The following FAM184A variants were observed in gnomAD, a reference collection of about 807,000 sequenced individuals.
FAM184A encodes protein FAM184A.
FAM184A carries 99 observed loss-of-function variants against 143.8 expected under a neutral mutation model. The ratio of observed to expected loss-of-function variants is 0.69; its 90% confidence interval spans 0.58 to 0.81. The LOEUF is 0.81. Among genes scored for constraint, FAM184A ranks in the 40% least tolerant of loss-of-function variants. The pLI, the probability that FAM184A is intolerant of heterozygous loss-of-function variation, is 0.00. For missense variants in FAM184A, 1,217 were observed against 1,310.5 expected (o/e 0.93, Z 1.10); for synonymous variants, 427 against 446.4 (o/e 0.96, Z 0.55).
chr6:119,100,772 T>G (rs1788617529), intron 1 of FAM184A, among the ~76,000 whole-genome samples: 1 of 151,772 alleles, frequency 6.6e-6, no homozygotes, highest in South Asian at 2.1e-4. Context: ...GCCTGGCCAA[T>G]ATGTCGAAAC....
At chr6:119,075,746 C>A (rs1398467988) in intron 1 of FAM184A, among the ~76,000 whole-genome samples, 1 of 152,192 alleles carries the variant, frequency 6.6e-6, no homozygotes, top group African/African-American at 2.4e-5. Flanking sequence ...TTCTATATGG[C>A]AGGCAGTAGT....
chr6:119,091,781 C>T (rs1277450502), intron 1 of FAM184A, among the ~76,000 whole-genome samples: 1 of 152,158 alleles, frequency 6.6e-6, no homozygotes, highest in Non-Finnish European at 1.5e-5. Flanking sequence ...TGGCTAGTGT[C>T]CTTGAAGGTT....
At chr6:119,097,760 G>C (rs914437899) in intron 1 of FAM184A, among the ~76,000 whole-genome samples, 2 of 152,116 alleles carry the variant, frequency 1.3e-5, no homozygotes, top group African/African-American at 4.8e-5. Flanking sequence ...AACAGAATCT[G>C]TCTCTCTCTT....
chr6:119,022,745 C>T (rs1012070261), intron 3 of FAM184A, among the ~76,000 whole-genome samples, 200 bp downstream of exon 3: 9 of 151,944 alleles, frequency 5.9e-5, no homozygotes, highest in African/African-American at 1.9e-4. Flanking sequence ...AGCATGGTGG[C>T]GGGCACCTGT....
intron 1 of FAM184A, among the ~76,000 whole-genome samples, chr6:119,049,862 C>T (rs1786681230): frequency 6.6e-6 from 1 of 152,166 alleles, no homozygotes; most frequent in African/African-American, 2.4e-5. Context: ...AGAGCTTCTG[C>T]ACAGCAAAAG....
chr6:119,050,007 G>A (rs1158580161), intron 1 of FAM184A, among the ~76,000 whole-genome samples: 1 of 152,122 alleles, frequency 6.6e-6, no homozygotes, highest in Non-Finnish European at 1.5e-5. Flanking sequence ...CCATTAAAAA[G>A]TGGACAAAGG....
chr6:119,019,168 G>A (rs1785363028), intron 4 of FAM184A, among the ~76,000 whole-genome samples: 1 of 152,196 alleles, frequency 6.6e-6, no homozygotes, highest in South Asian at 2.1e-4. Context: ...GGAACAGATG[G>A]AGGAGGGAAG....
chr6:119,025,202 T>G (rs1158165508), intron 1 of FAM184A, among the ~76,000 whole-genome samples: 1 of 152,170 alleles, frequency 6.6e-6, no homozygotes, highest in East Asian at 1.9e-4. Context: ...AGAAAAAGTC[T>G]CATAGTAAGA....
At position 119,024,730 on chromosome 6, in the gene FAM184A, T is replaced by C; in HGVS notation, c.243A>G (p.Gln81=). The change falls in exon 2 of 18, where the codon CAA becomes CAG. Residue 81 remains glutamine (Q), a synonymous_variant. Transcript: ENST00000338891. The part of the protein sequence containing the change: ...ALKDAHEEEI[Q]QILAETREKI... ...TTTCTCTTGTTTCAGCAAGAATTTG[T>C]TGAATTTCTTCTTCATGAGCATCTT... The C allele has an allele frequency of 6.2e-7, 1 of 1,613,660 alleles. No homozygotes were observed. Among genetic ancestry groups the C allele is most frequent in the South Asian group, 1.1e-5 (1 of 91,070 alleles).
intron 1 of FAM184A, among the ~76,000 whole-genome samples, chr6:119,140,239 T>G (rs1362949095): frequency 6.6e-6 from 1 of 152,058 alleles, no homozygotes; most frequent in Non-Finnish European, 1.5e-5. Flanking sequence ...GAGAGGACAT[T>G]GAGGATGTAA....
chr6:119,034,041 T>TAGAGAGAG (rs57162948), intron 1 of FAM184A, among the ~76,000 whole-genome samples: 12 of 42,006 alleles, frequency 2.9e-4, no homozygotes, highest in African/African-American at 1.1e-3. Flanking sequence ...TATATATATA[T>TAGAGAGAG]AGAGAGAGAG....
chr6:119,028,735 AAATT>A (rs1398632593), intron 1 of FAM184A, among the ~76,000 whole-genome samples: 1 of 152,132 alleles, frequency 6.6e-6, no homozygotes, highest in African/African-American at 2.4e-5. Flanking sequence ...CCATTCTAGC[AAATT>A]AATCCAACCC....
At chr6:119,059,933 A>G (rs938210809) in intron 1 of FAM184A, among the ~76,000 whole-genome samples, 3 of 152,216 alleles carry the variant, frequency 2.0e-5, no homozygotes, top group African/African-American at 7.2e-5. Context: ...TAAACTTCAA[A>G]CCATTGCATT....
intron 1 of FAM184A, among the ~76,000 whole-genome samples, chr6:119,036,216 C>CT (rs5879480): frequency 0.95 from 141,225 of 149,404 alleles, 66,806 homozygotes; most frequent in Non-Finnish European, 0.96. Context: ...GGTCCAGTGT[C>CT]TTTTTTTTTT....
At chr6:119,108,363 T>C (rs1788843650) in intron 1 of FAM184A, among the ~76,000 whole-genome samples, 1 of 152,082 alleles carries the variant, frequency 6.6e-6, no homozygotes, top group African/African-American at 2.4e-5. Flanking sequence ...TCTTCTCTCT[T>C]CTGAAATGCT....
At chr6:119,067,190 C>A (rs1308724999) in intron 1 of FAM184A, among the ~76,000 whole-genome samples, 1 of 152,096 alleles carries the variant, frequency 6.6e-6, no homozygotes, top group Non-Finnish European at 1.5e-5. Context: ...TGTAGGGTGG[C>A]CTGTAGGTGA....
intron 6 of FAM184A, among the ~76,000 whole-genome samples, chr6:119,009,905 T>G (rs76499138): frequency 0.026 from 4,016 of 152,314 alleles, 70 homozygotes; most frequent in Non-Finnish European, 0.039. Flanking sequence ...CGTATATACT[T>G]ACTAGCAATT....
chr6:119,087,845 C>G (rs777572067), intron 1 of FAM184A, among the ~76,000 whole-genome samples: 1 of 152,108 alleles, frequency 6.6e-6, no homozygotes, highest in Admixed American at 6.5e-5. Context: ...ATGGAAGCAG[C>G]CCAAATGTGT....
chr6:118,996,720 A>C (rs1486334013), intron 9 of FAM184A, among the ~76,000 whole-genome samples: 1 of 151,732 alleles, frequency 6.6e-6, no homozygotes, highest in African/African-American at 2.4e-5. Context: ...TCTTAGGAAG[A>C]GATTTTATTT....
Sources: gnomAD v4.1 joint callset for allele counts (sites outside exome capture counted in the v4.1 genomes callset) on GRCh38, gnomAD v4.1.1 for gene constraint, MANE v1.5 for transcripts, NCBI Gene and HGNC (gene_info 2026-07-23, HGNC 2026-07-21) for gene names.